JADE3: variants seen among roughly 807,000 people sequenced by gnomAD.
The protein encoded by JADE3 is jade family PHD finger 3.
JADE3 carries 2 observed loss-of-function variants against 50.1 expected under a neutral mutation model. The ratio of observed to expected loss-of-function variants is 0.04; its 90% CI spans 0.02 to 0.13. The LOEUF is 0.13. Ranked by LOEUF, JADE3 falls within the 10% of genes least tolerant of loss-of-function variation. JADE3 has a pLI of 1.00. For synonymous variants in JADE3, 218 were observed against 232.9 expected (o/e 0.94, Z 0.58); for missense variants, 475 against 634.4 (o/e 0.75, Z 2.70).
At chrX:46,987,785 T>G (rs782412681) in intron 3 of JADE3, among the ~76,000 whole-genome samples, 8 of 112,240 alleles carry the variant, frequency 7.1e-5, no homozygotes, top group African/African-American at 2.6e-4. Flanking sequence ...GGCTTTGGGT[T>G]TTGAGGCCTA....
Position 47,024,817 on chromosome X carries a change from C to G in JADE3, c.378C>G (p.Ile126Met). The change falls in exon 5 of 11, where the codon ATC becomes ATG. Residue 126 changes from isoleucine to methionine, a missense_variant. Physicochemically the swap from Ile to Met is conservative, Grantham distance 10 (BLOSUM62 1). Coordinates refer to ENST00000614628, the MANE Select transcript of JADE3 (RefSeq NM_014735.5). ...CAGACACCACAGAGCCTGGCTACATCAACATCATGGAGTTGGCAGCATCTG... is the reference window on the plus strand; with the variant it reads ...CAGACACCACAGAGCCTGGCTACATGAACATCATGGAGTTGGCAGCATCTG... ...SSPDTTEPGY[I>M]NIMELAASVC... is the part of the protein sequence containing the mutation. The G allele has an allele frequency of 8.4e-7, 1 of 1,196,816 alleles. No homozygotes were observed. Among genetic ancestry groups the G allele is most frequent in the South Asian group, 1.8e-5 (1 of 56,604 alleles).
At chrX:46,919,176 T>C (rs186234423) in intron 1 of JADE3, among the ~76,000 whole-genome samples, 89 of 112,381 alleles carry the variant, frequency 7.9e-4, no homozygotes, top group African/African-American at 2.8e-3. Flanking sequence ...AGTGTGGTTT[T>C]GGACATAGAT....
chrX:46,956,996 T>C (rs1556346566), intron 1 of JADE3, among the ~76,000 whole-genome samples: 1 of 109,779 alleles, frequency 9.1e-6, no homozygotes, highest in East Asian at 2.8e-4. Context: ...TAATTTTTTT[T>C]TAATTTTTGG....
At chrX:47,044,010 G>T (rs1929323225) in intron 8 of JADE3, among the ~76,000 whole-genome samples, 1 of 110,270 alleles carries the variant, frequency 9.1e-6, no homozygotes, top group South Asian at 3.9e-4. Flanking sequence ...AAAGAATGAA[G>T]CATGCCTACA....
chrX:47,038,907 A>ATGCCT, intron 7 of JADE3, 42 bp from the exon 8 acceptor site: 1 of 699,350 alleles, frequency 1.4e-6, no homozygotes, highest in Non-Finnish European at 2.3e-6. Flanking sequence ...TACTTCTGGG[A>ATGCCT]TGCCTTGGTA....
At position 46,943,132 on chromosome X, in the gene JADE3, C is replaced by T. The variant is rs781860701; in HGVS notation, c.-12+30413C>T. On this transcript the variant is annotated intron_variant, in intron 1 of 10. Coordinates refer to ENST00000614628, the MANE Select transcript of JADE3 (RefSeq NM_014735.5). ...CTTTAGGGTTTTCTAGACATAAGAT[C>T]ATATAATCAGAAAACAGATAATTTG... Among the ~76,000 whole-genome samples the T allele has an allele frequency of 8.7e-4, 98 of 112,325 alleles. 1 individual carries two copies. Among genetic ancestry groups the T allele is most frequent in the African/African-American group, 2.9e-3 (89 of 31,027 alleles).
At chrX:46,933,263 A>G (rs1233364841) in intron 1 of JADE3, among the ~76,000 whole-genome samples, 1 of 111,631 alleles carries the variant, frequency 9.0e-6, no homozygotes. Flanking sequence ...GCGGTTGTCC[A>G]GAATAAAAAT....
chrX:47,033,155 T>C (rs1468192285), intron 6 of JADE3, among the ~76,000 whole-genome samples: 1 of 112,448 alleles, frequency 8.9e-6, no homozygotes, highest in Non-Finnish European at 1.9e-5. Context: ...CAGGCGTTAA[T>C]AGGCTTTTTA....
chrX:46,996,786 T>C (rs1485423648), intron 3 of JADE3, among the ~76,000 whole-genome samples: 1 of 112,339 alleles, frequency 8.9e-6, no homozygotes, highest in Non-Finnish European at 1.9e-5. Context: ...CACCTGAAGA[T>C]TCTTAACTTA....
At chrX:47,022,110 C>G (rs1556364591) in intron 4 of JADE3, among the ~76,000 whole-genome samples, 1 of 112,020 alleles carries the variant, frequency 8.9e-6, no homozygotes, top group Admixed American at 9.5e-5. Flanking sequence ...GAATTTGAGG[C>G]GATTGAGATG....
At chrX:46,969,027 A>G (rs1455003545) in intron 1 of JADE3, among the ~76,000 whole-genome samples, 1 of 112,819 alleles carries the variant, frequency 8.9e-6, no homozygotes, top group Non-Finnish European at 1.9e-5. Flanking sequence ...GGTTGACTAC[A>G]TCCCAGGTCA....
intron 1 of JADE3, among the ~76,000 whole-genome samples, chrX:46,924,056 A>C (rs1926301831): frequency 9.0e-6 from 1 of 111,683 alleles, no homozygotes; most frequent in Non-Finnish European, 1.9e-5. Flanking sequence ...AGTGTTCTCC[A>C]ACCATGGGTT....
At chrX:47,027,782 G>A (rs1556365857) in intron 5 of JADE3, 110 bp from the exon 6 acceptor site, 1 of 595,172 alleles carries the variant, frequency 1.7e-6, no homozygotes, top group African/African-American at 2.3e-5. Flanking sequence ...GCAGGAAAGA[G>A]ATGTTTTTAT....
At chrX:46,973,314 C>CCTCCAGA (rs1556350904) in intron 1 of JADE3, among the ~76,000 whole-genome samples, 2 of 111,831 alleles carry the variant, frequency 1.8e-5, no homozygotes, top group East Asian at 5.6e-4. Context: ...AAAGAGTTGA[C>CCTCCAGA]CTCCAGACTC....
chrX:47,041,080 C>T (rs1556369507), intron 8 of JADE3, among the ~76,000 whole-genome samples: 1 of 110,939 alleles, frequency 9.0e-6, no homozygotes, highest in Non-Finnish European at 1.9e-5. Flanking sequence ...TAGGACATTG[C>T]CTGTGTGTTT....
chrX:46,923,053 C>T (rs994799920), intron 1 of JADE3, among the ~76,000 whole-genome samples: 3 of 110,933 alleles, frequency 2.7e-5, no homozygotes, highest in African/African-American at 9.8e-5. Flanking sequence ...CTCTCCGTTA[C>T]CCAGGCTGGA....
chrX:47,040,486 T>C (rs1282305341), intron 8 of JADE3, among the ~76,000 whole-genome samples: 6 of 111,894 alleles, frequency 5.4e-5, no homozygotes, highest in African/African-American at 1.9e-4. Context: ...TGTCACCGTC[T>C]CCCATCACCC....
chrX:47,006,831 C>T (rs1290300005), intron 4 of JADE3, among the ~76,000 whole-genome samples: 1 of 111,008 alleles, frequency 9.0e-6, no homozygotes, highest in Non-Finnish European at 1.9e-5. Flanking sequence ...CATTTTCGTT[C>T]TCTTAAGTAT....
At chrX:47,009,010 T>C (rs1340814542) in intron 4 of JADE3, among the ~76,000 whole-genome samples, 1 of 110,394 alleles carries the variant, frequency 9.1e-6, no homozygotes, top group African/African-American at 3.3e-5. Flanking sequence ...GATGAGTATA[T>C]GTATAGATGG....
Sources: allele counts gnomAD v4.1 joint callset (sites outside exome capture counted in the v4.1 genomes callset), GRCh38; gene constraint gnomAD v4.1.1; transcripts MANE v1.5; gene names NCBI Gene and HGNC (gene_info 2026-07-23, HGNC 2026-07-21).